PPP1R16B: variants seen among roughly 807,000 people sequenced by gnomAD.
PPP1R16B encodes the protein protein phosphatase 1 regulatory inhibitor subunit 16B.
PPP1R16B carries 14 observed loss-of-function variants against 61.7 expected under a neutral mutation model. That is an observed-to-expected ratio of 0.23 (90% CI 0.15 to 0.35). PPP1R16B has a LOEUF of 0.35. Ranked by LOEUF, PPP1R16B falls within the 10% of genes least tolerant of loss-of-function variation. PPP1R16B has a pLI of 1.00. For missense variants in PPP1R16B, 547 were observed against 752.5 expected (o/e 0.73, Z 3.19); for synonymous variants, 266 against 305.3 (o/e 0.87, Z 1.34).
Position 38,887,161 on chromosome 20 carries a change from GCAATGGGAACAGA to G in PPP1R16B, c.251-2432_251-2420del, listed in dbSNP as rs555048899. Reference sequence around the variant, plus strand: ...ATGGATGAATGATTGAGTCTCCCAGGCAATGGGAACAGACTATGCAAAATCTCAGAGGCCACAA... The same window carrying G: ...ATGGATGAATGATTGAGTCTCCCAGGCTATGCAAAATCTCAGAGGCCACAA... On this transcript the variant is annotated intron_variant, in intron 2 of 10. Coordinates refer to ENST00000299824, the MANE Select transcript of PPP1R16B (RefSeq NM_015568.4). Among the ~76,000 whole-genome samples, 336 of 152,228 alleles carry G rather than the reference GCAATGGGAACAGA, an allele frequency of 2.2e-3. 2 individuals carry two copies. Among genetic ancestry groups the G allele is most frequent in the African/African-American group, 7.8e-3 (326 of 41,548 alleles).
chr20:38,873,231 G>A (rs555222012), intron 2 of PPP1R16B, among the ~76,000 whole-genome samples: 1 of 152,294 alleles, frequency 6.6e-6, no homozygotes, highest in African/African-American at 2.4e-5. Context: ...TCAGCTGTGG[G>A]GTTCAGCAAA....
At chr20:38,915,627 GGCCTGCGTCACTGC>G (rs2085529525) in intron 10 of PPP1R16B, among the ~76,000 whole-genome samples, 1 of 152,032 alleles carries the variant, frequency 6.6e-6, no homozygotes, top group African/African-American at 2.4e-5. Context: ...TAGGATTAGA[GGCCTGCGTCACTGC>G]GCCTGTCTAA....
chr20:38,806,420 G>A lies in PPP1R16B; in HGVS notation c.-102+628G>A, dbSNP rs1473234718. Among the ~76,000 whole-genome samples, 2 of 152,112 alleles carry A rather than the reference G, an allele frequency of 1.3e-5. No individual in the cohort carries two copies. Among genetic ancestry groups the A allele is most frequent in the Non-Finnish European group, 2.9e-5 (2 of 67,984 alleles). On this transcript the variant is annotated intron_variant, in intron 1 of 10. Coordinates refer to ENST00000299824, the MANE Select transcript of PPP1R16B (RefSeq NM_015568.4). This position sits in a 1 kb window ranked among gnomAD's most constrained non-coding sequence, Gnocchi z 4.5. ...AGACCCCGCGAGTGGTAGTTCCCCG[G>A]GAGGGGCGCGCCCGGCCTCTCCCAG...
chr20:38,909,592 G>A (rs1002891509), intron 10 of PPP1R16B, among the ~76,000 whole-genome samples: 3 of 152,178 alleles, frequency 2.0e-5, no homozygotes, highest in Non-Finnish European at 2.9e-5. Flanking sequence ...TGCCATTTTC[G>A]TTCTTCCACT....
chr20:38,913,170 G>A (rs2145785220), intron 10 of PPP1R16B, among the ~76,000 whole-genome samples: 1 of 152,142 alleles, frequency 6.6e-6, no homozygotes, highest in East Asian at 1.9e-4. Context: ...TGTGCCCCTT[G>A]TTTTTTAATC....
chr20:38,856,722 A>G (rs967712795), intron 2 of PPP1R16B, among the ~76,000 whole-genome samples: 2 of 152,226 alleles, frequency 1.3e-5, no homozygotes, highest in Non-Finnish European at 2.9e-5. Flanking sequence ...CAACAACTCT[A>G]TAAAATAGGA....
At chr20:38,872,205 C>T (rs2085135090) in intron 2 of PPP1R16B, among the ~76,000 whole-genome samples, 1 of 152,186 alleles carries the variant, frequency 6.6e-6, no homozygotes, top group African/African-American at 2.4e-5. Context: ...ACTTACTGTT[C>T]ACCTAATGTT....
At chr20:38,904,959 C>T (rs951393943) in intron 6 of PPP1R16B, among the ~76,000 whole-genome samples, 2 of 152,198 alleles carry the variant, frequency 1.3e-5, no homozygotes, top group Admixed American at 1.3e-4. Flanking sequence ...GAATGTGAAT[C>T]CCTTACTGAG....
In PPP1R16B at chr20:38,889,746, C is replaced by T. The variant is rs2085278359; in HGVS notation, c.321+81C>T. 7.2e-6 allele frequency: 10 copies of T among 1,379,672 alleles called. No homozygotes were observed. In the Admixed American group the frequency reaches 1.5e-4, roughly 21 times the overall value. 85.5% of individuals were successfully genotyped at this position (1,379,672 alleles called of 1,614,324 possible). A position where few individuals can be genotyped will look rare whatever the true frequency, so the allele number is the denominator to read the frequency against. Reference sequence around the variant, plus strand: ...CCCTGTTTCTCGGCACTTTCCTGCTCAGAACCCTCAGGGAGGAGGGAATGA... The same window carrying T: ...CCCTGTTTCTCGGCACTTTCCTGCTTAGAACCCTCAGGGAGGAGGGAATGA... On this transcript the variant is annotated intron_variant, in intron 3 of 10. Transcript: ENST00000299824.
chr20:38,915,345 A>G (rs1263008460), intron 10 of PPP1R16B, among the ~76,000 whole-genome samples: 1 of 152,186 alleles, frequency 6.6e-6, no homozygotes, highest in Non-Finnish European at 1.5e-5. Flanking sequence ...GGGCTGTCCC[A>G]CTAAACAGCC....
chr20:38,858,972 G>A (rs891529199), intron 2 of PPP1R16B, among the ~76,000 whole-genome samples: 3 of 152,288 alleles, frequency 2.0e-5, no homozygotes, highest in Non-Finnish European at 4.4e-5. Flanking sequence ...CTACGATGGT[G>A]GCCTTGGCAG....
chr20:38,866,260 G>A (rs2085090029), intron 2 of PPP1R16B, among the ~76,000 whole-genome samples: 1 of 152,186 alleles, frequency 6.6e-6, no homozygotes. Flanking sequence ...TAAATCCCGG[G>A]TGTGCTGTCC....
chr20:38,914,932 T>G (rs893937554), intron 10 of PPP1R16B, among the ~76,000 whole-genome samples: 1 of 152,170 alleles, frequency 6.6e-6, no homozygotes, highest in Non-Finnish European at 1.5e-5. Flanking sequence ...CCTACCAAAG[T>G]GCTGGGATTA....
chr20:38,864,723 A>G (rs1441316442), intron 2 of PPP1R16B, among the ~76,000 whole-genome samples: 1 of 152,148 alleles, frequency 6.6e-6, no homozygotes, highest in Non-Finnish European at 1.5e-5. Context: ...CCCACCTCTC[A>G]CAGAGGGATC....
intron 2 of PPP1R16B, among the ~76,000 whole-genome samples, chr20:38,839,642 T>C (rs2084896778): frequency 6.6e-6 from 1 of 152,218 alleles, no homozygotes; most frequent in Admixed American, 6.5e-5. Context: ...TTTAAAAAGT[T>C]TTTACATAAG....
chr20:38,822,653 C>G (rs2084780533), intron 1 of PPP1R16B, among the ~76,000 whole-genome samples: 1 of 152,030 alleles, frequency 6.6e-6, no homozygotes, highest in Non-Finnish European at 1.5e-5. Context: ...ACCCACCCTA[C>G]TTTATTGCCT....
At chr20:38,870,137 T>C (rs2085118218) in intron 2 of PPP1R16B, among the ~76,000 whole-genome samples, 1 of 152,112 alleles carries the variant, frequency 6.6e-6, no homozygotes, top group Non-Finnish European at 1.5e-5. Context: ...TTGGCCAGGC[T>C]GGTCTTGAAT....
chr20:38,816,921 G>C (rs1263649483), intron 1 of PPP1R16B, among the ~76,000 whole-genome samples: 1 of 152,116 alleles, frequency 6.6e-6, no homozygotes, highest in Non-Finnish European at 1.5e-5. Flanking sequence ...AGTCTGTTTT[G>C]CCCAGTTTGA....
chr20:38,810,333 G>T (rs557308774), intron 1 of PPP1R16B, among the ~76,000 whole-genome samples: 1 of 152,356 alleles, frequency 6.6e-6, no homozygotes, highest in East Asian at 1.9e-4. Flanking sequence ...CCTGCCGGGA[G>T]CCCCGAAGGA....
Sources: gnomAD v4.1 joint callset for allele counts (sites outside exome capture counted in the v4.1 genomes callset) on GRCh38, gnomAD v4.1.1 for gene constraint, Gnocchi (gnomAD v3.1) non-coding constraint, MANE v1.5 for transcripts, NCBI Gene and HGNC (gene_info 2026-07-23, HGNC 2026-07-21) for gene names.